The following ULK1 variants were observed in gnomAD, a reference collection of about 807,000 sequenced individuals.
The protein encoded by ULK1 is unc-51 like autophagy activating kinase 1.
A neutral mutation model predicts 117.5 loss-of-function variants in ULK1; 48 were observed. The observed-to-expected ratio is 0.41, with a 90% CI of 0.32 to 0.52. The LOEUF (loss-of-function observed/expected upper bound fraction) is 0.52. Ranked by LOEUF, ULK1 falls within the 20% of genes least tolerant of loss-of-function variation. The pLI is 0.29. For missense variants in ULK1, 1,387 were observed against 1,473.4 expected, an observed-to-expected ratio of 0.94 and a Z score of 0.96; for synonymous variants, 790 against 637.8, an observed-to-expected ratio of 1.24 and a Z score of -3.60.
intron 13 of ULK1, 36 bp from the exon 14 acceptor site, chr12:131,913,162 C>T: frequency 6.5e-7 from 1 of 1,534,676 alleles, no homozygotes; most frequent in South Asian, 1.2e-5. Context: ...GGGCAGGCGG[C>T]AAGGACTCCA....
In ULK1 at chr12:131,910,293, C is replaced by T. The variant is rs761511646; in HGVS notation, c.848C>T (p.Ser283Leu). ...CACCCTTTCCTCGATGCCAGCCCCT[C>T]GGTCAGGAAATGTGAGTTTCTGTGG... is the stretch of plus-strand genomic sequence containing the variant. Reference protein sequence around the residue: ...FHHPFLDASPSVRKSPPVPVP... With the variant: ...FHHPFLDASPLVRKSPPVPVP... The change falls in exon 11 of 28, where the codon TCG (serine) becomes TTG (leucine). Residue 283 changes from serine to leucine, a missense_variant. Physicochemically the swap from Ser to Leu is moderately radical, Grantham distance 145. Coordinates refer to ENST00000321867, the MANE Select transcript of ULK1 (RefSeq NM_003565.4). 9.3e-6 allele frequency: 15 copies of T among 1,613,690 alleles called. No homozygotes were observed. Among genetic ancestry groups the T allele is most frequent in the Admixed American group, 3.3e-5 (2 of 60,002 alleles).
chr12:131,920,264 A>AAATGACAGC, intron 26 of ULK1, 128 bp downstream of exon 26: 2 of 1,264,292 alleles, frequency 1.6e-6, no homozygotes, highest in East Asian at 5.1e-5. Context: ...GGAGGTCTTG[A>AAATGACAGC]AATGACAGCA....
chr12:131,898,587 C>T (rs533065309), intron 3 of ULK1, among the ~76,000 whole-genome samples: 5 of 152,164 alleles, frequency 3.3e-5, no homozygotes, highest in South Asian at 2.1e-4. Flanking sequence ...CTGCAACCTC[C>T]GCCTCCTGGG....
In ULK1 at chr12:131,903,455, G is replaced by A. The variant is rs1457165006; in HGVS notation, c.247-3437G>A. On this transcript the variant is annotated intron_variant, in intron 3 of 27. Transcript: ENST00000321867. This position sits in a 1 kb window ranked among gnomAD's most constrained non-coding sequence, Gnocchi z 6.0. ...TCGTATGGGAAGTGGGCTGGTTATG[G>A]CCTGCTGCCTGGGCTCCTGCAGGGC... is the stretch of plus-strand genomic sequence containing the variant. Among the ~76,000 whole-genome samples the A allele has an allele frequency of 6.6e-6, 1 of 152,158 alleles. No individual in the cohort carries two copies. The highest frequency in any genetic ancestry group is 1.5e-5 in the Non-Finnish European group (1 of 68,022).
At chr12:131,917,125 CGG>C (rs1889847682) in intron 21 of ULK1, 63 bp downstream of exon 21, 1 of 779,520 alleles carries the variant, frequency 1.3e-6, no homozygotes, top group Non-Finnish European at 1.6e-6. Context: ...GGATGGGGGT[CGG>C]AGGCTGTGGG....
chr12:131,909,880 C>A (rs1275463157), intron 9 of ULK1, 39 bp from the exon 10 acceptor site: 10 of 1,609,464 alleles, frequency 6.2e-6, no homozygotes, highest in Non-Finnish European at 5.9e-6. Context: ...GGGCTCCGGC[C>A]CCGCAGGCCC....
chr12:131,919,888 G>A (rs565103373), intron 25 of ULK1, 91 bp from the exon 26 acceptor site: 37 of 1,509,406 alleles, frequency 2.5e-5, no homozygotes, highest in South Asian at 2.0e-4. Flanking sequence ...AGGGAGGGAC[G>A]TGCTCGCTCA....
At position 131,919,199 on chromosome 12, in the gene ULK1, C is replaced by A. The variant is rs1297848632; in HGVS notation, c.2512-13C>A. On this transcript the variant is annotated splice_polypyrimidine_tract_variant and intron_variant, in intron 23 of 27. Transcript: ENST00000321867. ...CGGGCAGCACTTGCCGCCCTGACGG[C>A]CGCTTCCTGCAGCAAGAGCACACGG... is the stretch of plus-strand genomic sequence containing the variant. 6.3e-7 allele frequency: 1 copy of A among 1,585,882 alleles called. No homozygotes were observed. The highest frequency in any genetic ancestry group is 1.1e-5 in the South Asian group (1 of 89,812).
At position 131,910,128 on chromosome 12, in the gene ULK1, C is replaced by G. The variant is rs1889468376; in HGVS notation, c.809-126C>G. The G allele has an allele frequency of 6.4e-6, 10 of 1,561,896 alleles. No individual in the cohort carries two copies. In the Middle Eastern group the frequency reaches 6.7e-4, roughly 105 times the overall value. ...CACTGCCCTTTCCACAAGCCAAGCG[C>G]AGGCAGGGGCTCCACCTCCGCCCGG... On this transcript the variant is annotated intron_variant, in intron 10 of 27. Coordinates refer to ENST00000321867, the MANE Select transcript of ULK1 (RefSeq NM_003565.4).
Position 131,918,410 on chromosome 12 carries a change from C to T in ULK1, c.2327-87C>T, listed in dbSNP as rs1184481053. On this transcript the variant is annotated intron_variant, in intron 22 of 27. Coordinates refer to ENST00000321867, the MANE Select transcript of ULK1 (RefSeq NM_003565.4). ...AAACCGAGGCAGAGGCACATTGGGC[C>T]CTGGAGGTGTGGGAGTCTGTGGGGG... is the stretch of plus-strand genomic sequence containing the variant. The T allele has an allele frequency of 1.1e-5, 16 of 1,464,990 alleles. No individual in the cohort carries two copies. The East Asian group carries it at 3.2e-4, about 30-fold the overall frequency. 90.7% of individuals were successfully genotyped at this position (1,464,990 alleles called of 1,614,324 possible). A position where few individuals can be genotyped will look rare whatever the true frequency, so the allele number is the denominator to read the frequency against.
In ULK1 at chr12:131,910,322, C is replaced by T; in HGVS notation, c.859+18C>T. The T allele has an allele frequency of 6.2e-7, 1 of 1,613,622 alleles. No homozygotes were observed. The highest frequency in any genetic ancestry group is 8.5e-7 in the Non-Finnish European group (1 of 1,179,962). Reference sequence around the variant, plus strand: ...CAGGAAATGTGAGTTTCTGTGGGTCCTGGGGCTCCGCATGGGCCCTGCATG... The same window carrying T: ...CAGGAAATGTGAGTTTCTGTGGGTCTTGGGGCTCCGCATGGGCCCTGCATG... On this transcript the variant is annotated intron_variant, in intron 11 of 27. Coordinates refer to ENST00000321867, the MANE Select transcript of ULK1 (RefSeq NM_003565.4).
Position 131,914,428 on chromosome 12 carries a change from C to G in ULK1, c.1324C>G (p.Gln442Glu), listed in dbSNP as rs199729512. 68 of 1,612,788 alleles carry G rather than the reference C, an allele frequency of 4.2e-5. No homozygotes were observed. The Admixed American group carries it at 8.3e-4, about 20-fold the overall frequency. Residue 442 changes from glutamine to glutamate, a missense_variant, in exon 16 of 28, where the codon CAG (glutamine) becomes GAG (glutamate). Physicochemically the swap from Gln to Glu is conservative, Grantham distance 29. This residue lies in a region of ULK1 where 900 missense variants were observed against 858.9 expected (regional missense o/e 1.05). Coordinates refer to ENST00000321867, the MANE Select transcript of ULK1 (RefSeq NM_003565.4). ...AGTCCCCACGCAGGTGCAGAACTAC[C>G]AGCGCATTGAGCGAAACCTGCAGTC... ...IPVPTQVQNYQRIERNLQSPT... is the reference protein window; with the variant it reads ...IPVPTQVQNYERIERNLQSPT...
Position 131,919,582 on chromosome 12 carries a change from T to G in ULK1, c.2795T>G (p.Val932Gly). 1 of 1,611,654 alleles carries G rather than the reference T, an allele frequency of 6.2e-7. No homozygotes were observed. Among genetic ancestry groups the G allele is most frequent in the Non-Finnish European group, 8.5e-7 (1 of 1,179,562 alleles). The change falls in exon 25 of 28, where the codon GTG (valine) becomes GGG (glycine). Residue 932 changes from valine to glycine, a missense_variant. By Grantham distance (109) the Val-to-Gly change is moderately radical. Coordinates refer to ENST00000321867, the MANE Select transcript of ULK1 (RefSeq NM_003565.4). ...GGCAAGCTCTGCCTGTCGTCCACTG[T>G]GAAGCAGGGTGAGGGCTGCGACCGC... ...RAGKLCLSST[V>G]KQVVRRLNEL...
At position 131,902,801 on chromosome 12, in the gene ULK1, G is replaced by A. The variant is rs1019689747; in HGVS notation, c.247-4091G>A. Among the ~76,000 whole-genome samples, 6 of 152,122 alleles carry A rather than the reference G, an allele frequency of 3.9e-5. No homozygotes were observed. The highest frequency in any genetic ancestry group is 1.4e-4 in the African/African-American group (6 of 41,418). ...ACCCCCGGACCCTGTCTTGGGAGGC[G>A]AGCTGCTCTGCCTGGGGTGGCCGGT... On this transcript the variant is annotated intron_variant, in intron 3 of 27. Transcript: ENST00000321867. This position sits in a 1 kb window ranked among gnomAD's most constrained non-coding sequence, Gnocchi z 6.3.
At position 131,895,125 on chromosome 12, in the gene ULK1, T is replaced by A; in HGVS notation, c.111+13T>A. On this transcript the variant is annotated intron_variant, in intron 1 of 27. Coordinates refer to ENST00000321867, the MANE Select transcript of ULK1 (RefSeq NM_003565.4). ...CCGCCACCGCGAGGTGAGGCCCCCG[T>A]CCGGCCCGGGATCCCCCGCCCAGGA... 2 of 1,511,040 alleles carry A rather than the reference T, an allele frequency of 1.3e-6. No homozygotes were observed. Among genetic ancestry groups the A allele is most frequent in the Non-Finnish European group, 1.8e-6 (2 of 1,136,548 alleles). 93.6% of individuals were successfully genotyped at this position (1,511,040 alleles called of 1,614,324 possible). A position where few individuals can be genotyped will look rare whatever the true frequency, so the allele number is the denominator to read the frequency against.
chr12:131,912,266 T>G (rs951793341), intron 13 of ULK1, among the ~76,000 whole-genome samples, 177 bp downstream of exon 13: 1 of 152,084 alleles, frequency 6.6e-6, no homozygotes, highest in African/African-American at 2.4e-5. Flanking sequence ...TTAAAACCAC[T>G]CCTGGAATCA....
chr12:131,921,508 C>G lies in ULK1; in HGVS notation c.*147C>G. On this transcript the variant is annotated 3_prime_UTR_variant, in exon 28 of 28. Coordinates refer to ENST00000321867, the MANE Select transcript of ULK1 (RefSeq NM_003565.4). The stretch of plus-strand genomic sequence containing the variant: ...CCCCACGGACAGTCAGCCTGCCGGC[C>G]TCCCTGCAGCTCACGGGGCAGAACC... 2 of 1,194,190 alleles carry G rather than the reference C, an allele frequency of 1.7e-6. No homozygotes were observed. The highest frequency in any genetic ancestry group is 2.4e-6 in the Non-Finnish European group (2 of 831,790). The allele number at this position is 1,194,190 out of a possible 1,614,324, so 74.0% of individuals were successfully genotyped here. A position where few individuals can be genotyped will look rare whatever the true frequency, so the allele number is the denominator to read the frequency against.
chr12:131,914,785 C>T (rs1389693045), intron 16 of ULK1, among the ~76,000 whole-genome samples: 1 of 152,184 alleles, frequency 6.6e-6, no homozygotes, highest in African/African-American at 2.4e-5. Context: ...GCTGTGTGGG[C>T]CAGTGGGTGT....
At chr12:131,896,690 T>C (rs1888887578) in intron 3 of ULK1, 2 of 152,362 alleles carry the variant, frequency 1.3e-5, no homozygotes, top group African/African-American at 4.8e-5. Flanking sequence ...AGGCACACTG[T>C]GTCCTGGAGC....
Sources: gnomAD v4.1 joint callset for allele counts (sites outside exome capture counted in the v4.1 genomes callset) on GRCh38, gnomAD v4.1.1 for gene constraint, gnomAD v4.1.1 regional missense constraint, Gnocchi (gnomAD v3.1) non-coding constraint, MANE v1.5 for transcripts, NCBI Gene and HGNC (gene_info 2026-07-23, HGNC 2026-07-21) for gene names.